The following REV1 variants were observed in gnomAD, a reference collection of about 807,000 sequenced individuals.
REV1 encodes translesion synthesis protein REV1.
REV1 carries 42 observed loss-of-function variants against 137.4 expected under a neutral mutation model. The ratio of observed to expected loss-of-function variants is 0.31; its 90% CI spans 0.24 to 0.40. The LOEUF (loss-of-function observed/expected upper bound fraction) is 0.40. REV1 is among the 10% of genes least tolerant of loss of function. The pLI is 1.00. For synonymous variants in REV1, 524 were observed against 519.2 expected (o/e 1.01, Z -0.12); for missense variants, 1,282 against 1,490.1 (o/e 0.86, Z 2.30).
intron 4 of REV1, among the ~76,000 whole-genome samples, chr2:99,445,916 T>C (rs144117763): frequency 2.6e-4 from 39 of 152,254 alleles, no homozygotes; most frequent in African/African-American, 9.1e-4. Context: ...ACTGCTCGAA[T>C]AAAAACAAAA....
At chr2:99,419,023 G>C in intron 11 of REV1, 76 bp from the exon 12 acceptor site, 1 of 1,164,210 alleles carries the variant, frequency 8.6e-7, no homozygotes. Flanking sequence ...TCTTCATACA[G>C]GTTATCCATC....
rs767978619 is a variant in REV1, at chr2:99,412,787, C to T, written c.2116G>A (p.Glu706Lys). 1 of 1,614,140 alleles carries T rather than the reference C, an allele frequency of 6.2e-7. No homozygotes were observed. Among genetic ancestry groups the T allele is most frequent in the Non-Finnish European group, 8.5e-7 (1 of 1,180,008 alleles). ...GCTGAAACAGATTTTCTTTCCTTTTCAGTTCGAACTGGTCTATCATCCAAG... is the reference window on the plus strand; with the variant it reads ...GCTGAAACAGATTTTCTTTCCTTTTTAGTTCGAACTGGTCTATCATCCAAG... Reference protein sequence around the residue: ...RGLDDRPVRTEKERKSVSAEI... With the variant: ...RGLDDRPVRTKKERKSVSAEI... The change falls in exon 13 of 23, where the codon GAA becomes AAA. Residue 706 changes from glutamate to lysine, a missense_variant. Around this residue, in one of 7 missense-constraint regions of REV1, gnomAD observed 372 missense variants for 482.3 expected, o/e 0.77. Transcript: ENST00000258428.
chr2:99,449,215 T>C, intron 4 of REV1, 121 bp downstream of exon 4: 1 of 433,358 alleles, frequency 2.3e-6, no homozygotes. Flanking sequence ...CAGTGAGCCA[T>C]GATCATGCCA....
At chr2:99,406,514 G>A (rs760867506) in intron 15 of REV1, 24 bp from the exon 16 acceptor site, 2 of 1,533,298 alleles carry the variant, frequency 1.3e-6, no homozygotes, top group Non-Finnish European at 1.8e-6. Context: ...TAAAGAGTAT[G>A]CTTCTAGGAA....
intron 12 of REV1, 85 bp from the exon 13 acceptor site, chr2:99,413,036 AAAC>A: frequency 1.1e-6 from 1 of 925,334 alleles, no homozygotes; most frequent in African/African-American, 1.7e-5. Context: ...TTTATGCACA[AAAC>A]AACTAGTTTA....
chr2:99,482,516 A>G (rs1168665459), intron 1 of REV1, among the ~76,000 whole-genome samples: 1 of 152,180 alleles, frequency 6.6e-6, no homozygotes, highest in Non-Finnish European at 1.5e-5. Context: ...AGTCTTGCAG[A>G]CTGTACCCTT....
At chr2:99,440,272 C>G (rs1681310688) in intron 5 of REV1, among the ~76,000 whole-genome samples, 2 of 152,194 alleles carry the variant, frequency 1.3e-5, no homozygotes, top group African/African-American at 4.8e-5. Flanking sequence ...AGCAGTAATT[C>G]ATTCTACTTA....
Position 99,424,134 on chromosome 2 carries a change from C to T in REV1, c.1676+18G>A, listed in dbSNP as rs1415441460. On this transcript the variant is annotated intron_variant, in intron 10 of 22. Coordinates refer to ENST00000258428, the MANE Select transcript of REV1 (RefSeq NM_016316.4). ...GAAGGAAAACACAGACACAAAATGACAGTTTGATACACTGTACCTTGCCAA... is the reference window on the plus strand; with the variant it reads ...GAAGGAAAACACAGACACAAAATGATAGTTTGATACACTGTACCTTGCCAA... 6.2e-7 allele frequency: 1 copy of T among 1,606,336 alleles called. No individual in the cohort carries two copies. The highest frequency in any genetic ancestry group is 8.5e-7 in the Non-Finnish European group (1 of 1,177,400).
intron 1 of REV1, among the ~76,000 whole-genome samples, chr2:99,466,502 A>G (rs1250917944): frequency 1.3e-5 from 2 of 152,026 alleles, no homozygotes; most frequent in East Asian, 1.9e-4. Context: ...TATGCCTCCC[A>G]AAGTGCTAGG....
chr2:99,436,991 T>G (rs528268700), intron 6 of REV1, among the ~76,000 whole-genome samples: 2 of 96,994 alleles, frequency 2.1e-5, no homozygotes, highest in African/African-American at 3.7e-5. Context: ...TTTTTTTTTG[T>G]TTTTTTTTTT....
intron 4 of REV1, among the ~76,000 whole-genome samples, chr2:99,443,881 C>T (rs895866019): frequency 6.6e-5 from 10 of 151,150 alleles, no homozygotes; most frequent in African/African-American, 2.4e-4. Flanking sequence ...CTCGCTCTGT[C>T]GCCCAGGCTG....
intron 6 of REV1, 116 bp downstream of exon 6, chr2:99,438,485 C>A: frequency 1.4e-6 from 1 of 695,978 alleles, no homozygotes; most frequent in Non-Finnish European, 2.4e-6. Context: ...CATGATTTGA[C>A]ATACTTAGAG....
chr2:99,457,529 C>CA (rs2105052789), intron 3 of REV1, among the ~76,000 whole-genome samples: 1 of 152,030 alleles, frequency 6.6e-6, no homozygotes, highest in African/African-American at 2.4e-5. Context: ...TAAAAACACA[C>CA]AAAAAATGAG....
intron 1 of REV1, among the ~76,000 whole-genome samples, chr2:99,488,591 T>G (rs1318854046): frequency 6.6e-6 from 1 of 152,168 alleles, no homozygotes; most frequent in Non-Finnish European, 1.5e-5. Flanking sequence ...GAAGAGGAAC[T>G]TTAGGTGAGC....
chr2:99,447,558 TAGTAAC>T (rs1682377420), intron 4 of REV1, among the ~76,000 whole-genome samples: 1 of 152,182 alleles, frequency 6.6e-6, no homozygotes, highest in South Asian at 2.1e-4. Flanking sequence ...AAAAATAAAA[TAGTAAC>T]AGTAGCTTCT....
chr2:99,420,351 G>A lies in REV1; in HGVS notation c.1831+1148C>T, dbSNP rs535072956. Among the ~76,000 whole-genome samples the A allele has an allele frequency of 1.7e-4, 26 of 152,290 alleles. 1 individual carries two copies. In the South Asian group the frequency reaches 2.3e-3, roughly 13 times the overall value. The stretch of plus-strand genomic sequence containing the variant: ...TTACCTGGAAGCACACTTGTCATAT[G>A]CAACCTAACCACCTCCTGCCCTAAA... On this transcript the variant is annotated intron_variant, in intron 11 of 22. Transcript: ENST00000258428.
intron 17 of REV1, 58 bp downstream of exon 17, chr2:99,405,844 CTTGTATTT>C (rs1177249318): frequency 8.9e-7 from 1 of 1,122,304 alleles, no homozygotes. Flanking sequence ...CATTTGTAAA[CTTGTATTT>C]TTGTATTTAT....
intron 12 of REV1, among the ~76,000 whole-genome samples, chr2:99,417,511 G>A (rs1485628274): frequency 1.3e-5 from 2 of 152,172 alleles, no homozygotes; most frequent in Non-Finnish European, 2.9e-5. Flanking sequence ...TCATATTGAT[G>A]AGCCTAATCC....
chr2:99,429,639 G>C (rs1029471653), intron 9 of REV1, among the ~76,000 whole-genome samples: 1 of 151,874 alleles, frequency 6.6e-6, no homozygotes, highest in African/African-American at 2.4e-5. Context: ...GTTCTCATCA[G>C]GGAACTAGTA....
Sources: allele counts gnomAD v4.1 joint callset (sites outside exome capture counted in the v4.1 genomes callset), GRCh38; gene constraint gnomAD v4.1.1; regional missense constraint gnomAD v4.1.1; transcripts MANE v1.5; gene names NCBI Gene and HGNC (gene_info 2026-07-23, HGNC 2026-07-21).